Variants in LIMA1 observed in about 807,000 individuals in gnomAD.
LIMA1 encodes the protein LIM domain and actin binding 1.
In LIMA1, 52 loss-of-function variants were observed where a neutral mutation model predicts 62.6. The ratio of observed to expected loss-of-function variants is 0.83; its 90% confidence interval spans 0.67 to 1.05. The LOEUF is 1.05. LIMA1 is among the 50% of genes least tolerant of loss of function. The pLI is 0.00. For missense variants in LIMA1, 780 were observed against 902.2 expected (o/e 0.86, Z 1.74); for synonymous variants, 302 against 317.8 (o/e 0.95, Z 0.53).
At chr12:50,238,860 A>G (rs1941733834) in intron 2 of LIMA1, among the ~76,000 whole-genome samples, 1 of 152,070 alleles carries the variant, frequency 6.6e-6, no homozygotes, top group African/African-American at 2.4e-5. Flanking sequence ...ACGAAGAAAA[A>G]AAAAATCATG....
intron 2 of LIMA1, among the ~76,000 whole-genome samples, chr12:50,233,076 A>C (rs1941637665): frequency 6.6e-6 from 1 of 151,402 alleles, no homozygotes; most frequent in African/African-American, 2.4e-5. Context: ...ATCAGAGCAG[A>C]CCTCACTTCC....
chr12:50,280,052 G>A (rs1942319712), intron 1 of LIMA1, among the ~76,000 whole-genome samples: 1 of 151,170 alleles, frequency 6.6e-6, no homozygotes, highest in African/African-American at 2.4e-5. Flanking sequence ...TAATTAAGGG[G>A]GAAAATAGAT....
At chr12:50,189,754 C>T (rs2138414252) in intron 9 of LIMA1, 1 of 152,344 alleles carries the variant, frequency 6.6e-6, no homozygotes, top group Non-Finnish European at 1.5e-5. Context: ...CTCTGTTGCC[C>T]AGGCTGGAGT....
At chr12:50,184,952 C>A (rs1940594791) in intron 9 of LIMA1, among the ~76,000 whole-genome samples, 1 of 152,122 alleles carries the variant, frequency 6.6e-6, no homozygotes, top group Non-Finnish European at 1.5e-5. Context: ...CTGCCTCAGC[C>A]TCCTGAGTAG....
At chr12:50,261,139 G>A (rs954299258) in intron 1 of LIMA1, among the ~76,000 whole-genome samples, 20 of 134,726 alleles carry the variant, frequency 1.5e-4, no homozygotes, top group Non-Finnish European at 1.5e-4. Context: ...TGCAAGCTCC[G>A]CCTCCCGGGT....
chr12:50,180,302 G>GA (rs80012066), intron 10 of LIMA1, among the ~76,000 whole-genome samples: 1,425 of 118,574 alleles, frequency 0.012, 8 homozygotes, highest in African/African-American at 0.031. Flanking sequence ...TCCATCTCCG[G>GA]AAAAAAAAAA....
chr12:50,274,311 C>T (rs995157889), intron 1 of LIMA1, among the ~76,000 whole-genome samples: 13 of 152,164 alleles, frequency 8.5e-5, no homozygotes, highest in African/African-American at 1.7e-4. Context: ...CAAGGCCGAG[C>T]GCGATGGCTC....
intron 1 of LIMA1, among the ~76,000 whole-genome samples, chr12:50,266,393 G>C (rs912407962): frequency 6.6e-6 from 1 of 152,216 alleles, no homozygotes; most frequent in African/African-American, 2.4e-5. Flanking sequence ...ATGGTTTCAT[G>C]TTAATGTGCT....
intron 4 of LIMA1, among the ~76,000 whole-genome samples, chr12:50,212,630 G>C (rs1941277821): frequency 6.6e-6 from 1 of 151,912 alleles, no homozygotes; most frequent in Non-Finnish European, 1.5e-5. Context: ...AGGATAACAA[G>C]TCATATCTAT....
At chr12:50,216,182 C>T (rs1941342310) in intron 4 of LIMA1, among the ~76,000 whole-genome samples, 1 of 152,118 alleles carries the variant, frequency 6.6e-6, no homozygotes, top group Non-Finnish European at 1.5e-5. Context: ...ATTAGGAATG[C>T]TAAACCACAC....
intron 7 of LIMA1, among the ~76,000 whole-genome samples, chr12:50,200,096 T>C (rs916311484): frequency 1.3e-5 from 2 of 151,958 alleles, no homozygotes; most frequent in African/African-American, 4.8e-5. Context: ...GGTTTCTCCA[T>C]GTTGGTCAGG....
chr12:50,236,029 G>A (rs1384998655), intron 2 of LIMA1, among the ~76,000 whole-genome samples: 1 of 151,922 alleles, frequency 6.6e-6, no homozygotes, highest in African/African-American at 2.4e-5. Context: ...GCCAGGCATG[G>A]TGGTAGGCAC....
chr12:50,263,976 C>T (rs1255046229), intron 1 of LIMA1, among the ~76,000 whole-genome samples: 1 of 149,948 alleles, frequency 6.7e-6, no homozygotes, highest in Non-Finnish European at 1.5e-5. Context: ...TGTTCGTCAA[C>T]TGATGAAAGG....
rs532219162 is a variant in LIMA1 at position 50,242,057 on chromosome 12, G to C, written c.119+6576C>G. Among the ~76,000 whole-genome samples the C allele has an allele frequency of 4.1e-5, 6 of 144,754 alleles. No individual in the cohort carries two copies. The East Asian group carries it at 1.2e-3, about 30-fold the overall frequency. The allele number at this position is 144,754 out of a possible 152,430, so 95.0% of individuals were successfully genotyped here. A position where few individuals can be genotyped will look rare whatever the true frequency, so the allele number is the denominator to read the frequency against. The stretch of plus-strand genomic sequence containing the variant: ...TCAGCTGTGGGGCAGGCAGCTGATG[G>C]AGGACGCTAAAATTATCTGGGGAGT... On this transcript the variant is annotated intron_variant, in intron 2 of 10. Transcript: ENST00000341247.
At chr12:50,276,703 C>T (rs1405225088) in intron 1 of LIMA1, among the ~76,000 whole-genome samples, 3 of 152,016 alleles carry the variant, frequency 2.0e-5, no homozygotes, top group Non-Finnish European at 4.4e-5. Context: ...AACCCTGTCT[C>T]TACTAAAAAT....
intron 10 of LIMA1, among the ~76,000 whole-genome samples, chr12:50,178,455 G>A: frequency 6.6e-6 from 1 of 151,742 alleles, no homozygotes; most frequent in Non-Finnish European, 1.5e-5. Flanking sequence ...GCTGAAGTGG[G>A]AGAATCACTT....
At chr12:50,263,975 A>G (rs1942109849) in intron 1 of LIMA1, among the ~76,000 whole-genome samples, 1 of 151,076 alleles carries the variant, frequency 6.6e-6, no homozygotes, top group South Asian at 2.1e-4. Flanking sequence ...ATGTTCGTCA[A>G]CTGATGAAAG....
chr12:50,217,905 C>CTTTTTTTTT (rs34408114), intron 4 of LIMA1: 1 of 124,602 alleles, frequency 8.0e-6, no homozygotes, highest in Non-Finnish European at 1.6e-5. Flanking sequence ...AATTTCTTTT[C>CTTTTTTTTT]TTTTTTTTTT....
chr12:50,177,377 T>C lies in LIMA1; in HGVS notation c.1967A>G (p.Lys656Arg). 6.2e-7 allele frequency: 1 copy of C among 1,614,204 alleles called. No homozygotes were observed. The highest frequency in any genetic ancestry group is 8.5e-7 in the Non-Finnish European group (1 of 1,180,026). Residue 656 changes from lysine to arginine, a missense_variant, in exon 11 of 11, where the codon AAA (lysine) becomes AGA (arginine). Physicochemically the swap from Lys to Arg is conservative, Grantham distance 26 (BLOSUM62 2). Transcript: ENST00000341247. ...CTTCCCTGTCTCTCCTTTAGATTCT[T>C]TGTTTTGCCAGGTTGTTTTTCCCAC... ...GNVGKTTWQNKESKGETGKRS... is the reference protein window; with the variant it reads ...GNVGKTTWQNRESKGETGKRS...
Sources: gnomAD v4.1 joint callset for allele counts (sites outside exome capture counted in the v4.1 genomes callset) on GRCh38, gnomAD v4.1.1 for gene constraint, MANE v1.5 for transcripts, NCBI Gene and HGNC (gene_info 2026-07-23, HGNC 2026-07-21) for gene names.